Variants in ESR1 observed in about 807,000 individuals in gnomAD.
The protein encoded by ESR1 is estrogen receptor.
Under a neutral mutation model 52.7 loss-of-function variants are expected in ESR1, and 12 were observed. The ratio of observed to expected loss-of-function variants is 0.23; its 90% CI spans 0.15 to 0.37. The LOEUF (loss-of-function observed/expected upper bound fraction) is 0.37. ESR1 is among the 10% of genes least tolerant of loss of function. The probability of loss-of-function intolerance (pLI) is 1.00; values close to 1 mark genes in which losing one functional copy is unlikely to be tolerated. For synonymous variants in ESR1, 305 were observed against 316.8 expected (o/e 0.96, Z 0.39); for missense variants, 584 against 779.7 (o/e 0.75, Z 2.99).
At chr6:151,890,481 G>C (rs901544189) in intron 3 of ESR1, among the ~76,000 whole-genome samples, 1 of 152,164 alleles carries the variant, frequency 6.6e-6, no homozygotes, top group Non-Finnish European at 1.5e-5. Context: ...GAAATATTCT[G>C]TATGTATCTG....
intron 2 of ESR1, among the ~76,000 whole-genome samples, chr6:151,778,355 A>G (rs1786213674): frequency 6.6e-6 from 1 of 152,056 alleles, no homozygotes; most frequent in Non-Finnish European, 1.5e-5. Context: ...GCTTAATGCC[A>G]TTACTTAAAA....
intron 2 of ESR1, among the ~76,000 whole-genome samples, chr6:151,708,607 C>A (rs1395156157): frequency 2.0e-5 from 3 of 152,268 alleles, no homozygotes; most frequent in Non-Finnish European, 4.4e-5. Context: ...CTTTCCTGAT[C>A]TAATGAGTAA....
At chr6:152,050,527 G>C (rs937266456) in intron 5 of ESR1, among the ~76,000 whole-genome samples, 1 of 152,026 alleles carries the variant, frequency 6.6e-6, no homozygotes, top group Admixed American at 6.6e-5. Flanking sequence ...TTCTCTAAGA[G>C]GAATGACATT....
At chr6:152,016,184 A>G (rs1000509368) in intron 5 of ESR1, among the ~76,000 whole-genome samples, 2 of 152,120 alleles carry the variant, frequency 1.3e-5, no homozygotes, top group Non-Finnish European at 2.9e-5. Context: ...GCCTTCCGCC[A>G]TGATTATGAG....
intron 1 of ESR1, among the ~76,000 whole-genome samples, chr6:151,834,859 A>G (rs1451830641): frequency 6.6e-6 from 1 of 152,052 alleles, no homozygotes; most frequent in Non-Finnish European, 1.5e-5. Context: ...CTTGGGGAGC[A>G]AGGGAAGGAG....
chr6:152,069,741 C>G (rs2048231866), intron 6 of ESR1, among the ~76,000 whole-genome samples: 1 of 136,754 alleles, frequency 7.3e-6, no homozygotes, highest in Non-Finnish European at 1.5e-5. Flanking sequence ...CACTGCTGAT[C>G]TGACAGGTGG....
intron 4 of ESR1, among the ~76,000 whole-genome samples, chr6:151,945,600 G>A (rs547613985): frequency 1.3e-5 from 2 of 152,292 alleles, no homozygotes; most frequent in Non-Finnish European, 1.5e-5. Flanking sequence ...GCAAGAAGAA[G>A]CTAAATTTTT....
chr6:152,059,195 A>G (rs979656558), intron 5 of ESR1, among the ~76,000 whole-genome samples: 3 of 152,154 alleles, frequency 2.0e-5, no homozygotes, highest in Admixed American at 2.0e-4. Context: ...TTTCAATAAA[A>G]TTGTTATAAA....
chr6:151,951,450 CAA>C (rs1412223942), intron 4 of ESR1, among the ~76,000 whole-genome samples: 1 of 152,124 alleles, frequency 6.6e-6, no homozygotes, highest in African/African-American at 2.4e-5. Flanking sequence ...AAAATTTATT[CAA>C]AGTTATAGTT....
upstream of ESR1, among the ~76,000 whole-genome samples, chr6:151,686,378 C>T (rs1009872674): frequency 2.6e-5 from 4 of 151,978 alleles, no homozygotes; most frequent in African/African-American, 9.7e-5. Context: ...GGATTTTATG[C>T]CTCTGCTATA....
intron 2 of ESR1, among the ~76,000 whole-genome samples, chr6:151,764,404 A>T (rs980805799): frequency 1.3e-5 from 2 of 152,166 alleles, no homozygotes; most frequent in Non-Finnish European, 1.5e-5. Flanking sequence ...AGATGTTTTT[A>T]CTTTGGAGAA....
At chr6:151,849,755 G>T (rs1785947980) in intron 2 of ESR1, among the ~76,000 whole-genome samples, 1 of 151,532 alleles carries the variant, frequency 6.6e-6, no homozygotes, top group African/African-American at 2.4e-5. Context: ...TGGTACATTT[G>T]ATATAAGCAT....
chr6:152,044,668 G>A (rs368731587), intron 5 of ESR1, among the ~76,000 whole-genome samples: 1 of 152,142 alleles, frequency 6.6e-6, no homozygotes, highest in Non-Finnish European at 1.5e-5. Flanking sequence ...TCCAATGTTC[G>A]AGGCCAGGAA....
chr6:151,669,189 A>AGAGAGAGGGAGC (rs774737323), intron 1 of ESR1, among the ~76,000 whole-genome samples: 1 of 87,170 alleles, frequency 1.1e-5, no homozygotes, highest in Non-Finnish European at 2.4e-5. Flanking sequence ...AGAGAGAGAG[A>AGAGAGAGGGAGC]TGGGAATCCA....
intron 4 of ESR1, among the ~76,000 whole-genome samples, chr6:151,989,076 A>G (rs1282788264): frequency 7.9e-5 from 12 of 152,172 alleles, no homozygotes; most frequent in Admixed American, 5.2e-4. Flanking sequence ...TTGAATTAGA[A>G]TGCATGCCTT....
intron 5 of ESR1, among the ~76,000 whole-genome samples, chr6:152,018,587 G>T (rs2043350862): frequency 6.6e-6 from 1 of 152,066 alleles, no homozygotes; most frequent in Non-Finnish European, 1.5e-5. Context: ...AGTAGCTGGG[G>T]TGTTGGGGGT....
At chr6:151,717,083 C>A (rs964245434) in intron 2 of ESR1, among the ~76,000 whole-genome samples, 1 of 152,160 alleles carries the variant, frequency 6.6e-6, no homozygotes, top group Non-Finnish European at 1.5e-5. Flanking sequence ...GGGCACAGTC[C>A]CTCAGGGCTT....
At chr6:151,679,909 C>G (rs139504745) in intron 1 of ESR1, among the ~76,000 whole-genome samples, 1 of 152,200 alleles carries the variant, frequency 6.6e-6, no homozygotes, top group Non-Finnish European at 1.5e-5. Context: ...TTCTCAGTCA[C>G]CCTGTCTGAT....
intron 2 of ESR1, among the ~76,000 whole-genome samples, chr6:151,714,063 G>T (rs567545188): frequency 6.6e-6 from 1 of 152,254 alleles, no homozygotes; most frequent in South Asian, 2.1e-4. Flanking sequence ...TGGTTTCAAA[G>T]AACTTATTTA....
Sources: gnomAD v4.1 joint callset for allele counts (sites outside exome capture counted in the v4.1 genomes callset) on GRCh38, gnomAD v4.1.1 for gene constraint, MANE v1.5 for transcripts, NCBI Gene and HGNC (gene_info 2026-07-23, HGNC 2026-07-21) for gene names.